KLHL32: variants seen among roughly 807,000 people sequenced by gnomAD.
The protein encoded by KLHL32 is kelch like family member 32.
A neutral mutation model predicts 64.8 loss-of-function variants in KLHL32; 35 were observed. The observed-to-expected ratio is 0.54, with a 90% CI of 0.41 to 0.72. The LOEUF is 0.72. Ranked by LOEUF, KLHL32 falls within the 30% of genes least tolerant of loss-of-function variation. The probability of loss-of-function intolerance (pLI) is 0.00; values close to 1 mark genes in which losing one functional copy is unlikely to be tolerated. For synonymous variants in KLHL32, 259 were observed against 281.0 expected (o/e 0.92, Z 0.78); for missense variants, 589 against 768.5 (o/e 0.77, Z 2.76).
intron 10 of KLHL32, among the ~76,000 whole-genome samples, chr6:97,133,802 A>C (rs1021436576): frequency 6.6e-6 from 1 of 152,186 alleles, no homozygotes; most frequent in African/African-American, 2.4e-5. Flanking sequence ...GTAGATATGG[A>C]AAATATAATT....
At chr6:96,911,564 C>G in the KLHL32 span, among the ~76,000 whole-genome samples, 1 of 152,138 alleles carries the variant, frequency 6.6e-6, no homozygotes, top group African/African-American at 2.4e-5. Flanking sequence ...CTTCCCCTGT[C>G]AAAGTCAAAC....
At chr6:97,079,872 A>G (rs902518826) in intron 5 of KLHL32, among the ~76,000 whole-genome samples, 1 of 152,212 alleles carries the variant, frequency 6.6e-6, no homozygotes, top group Non-Finnish European at 1.5e-5. Context: ...TAGAAAAAAA[A>G]AAGAGTAAGA....
At chr6:96,904,575 AAATT>A in the KLHL32 span, among the ~76,000 whole-genome samples, 35 of 152,196 alleles carry the variant, frequency 2.3e-4, no homozygotes, top group African/African-American at 4.6e-4. Context: ...ATTATTCAAA[AAATT>A]AATTAATTTG....
intron 1 of KLHL32, among the ~76,000 whole-genome samples, chr6:96,928,159 A>G (rs1043533973): frequency 6.6e-6 from 1 of 152,228 alleles, no homozygotes; most frequent in Non-Finnish European, 1.5e-5. Flanking sequence ...GCTCAGACAC[A>G]GGGAAAAAAT....
At chr6:96,906,426 A>G in the KLHL32 span, among the ~76,000 whole-genome samples, 11 of 152,160 alleles carry the variant, frequency 7.2e-5, no homozygotes, top group Non-Finnish European at 1.5e-4. Context: ...AGGTGGTGGT[A>G]GAGGTTTAAA....
Position 97,112,795 on chromosome 6 carries a change from A to G in KLHL32, c.628-988A>G, listed in dbSNP as rs199727367. On this transcript the variant is annotated intron_variant, in intron 6 of 10. Coordinates refer to ENST00000369261, the MANE Select transcript of KLHL32 (RefSeq NM_052904.4). ...AAAAAAAGGAGAATTTCTTAAAACT[A>G]AAGCAGGTACATTATCATAAATAAC... is the stretch of plus-strand genomic sequence containing the variant. Among the ~76,000 whole-genome samples the G allele has an allele frequency of 8.0e-5, 12 of 150,882 alleles. No individual in the cohort carries two copies. In the East Asian group the frequency reaches 2.1e-3, roughly 27 times the overall value.
At chr6:96,996,489 T>G (rs1778433245) in intron 3 of KLHL32, among the ~76,000 whole-genome samples, 1 of 152,170 alleles carries the variant, frequency 6.6e-6, no homozygotes, top group African/African-American at 2.4e-5. Context: ...AATATGTAAT[T>G]AGAAATAAAT....
intron 3 of KLHL32, among the ~76,000 whole-genome samples, chr6:97,038,924 T>A (rs1562268601): frequency 6.6e-6 from 1 of 151,344 alleles, no homozygotes; most frequent in Non-Finnish European, 1.5e-5. Flanking sequence ...AACCCCGCTC[T>A]ACTAAAAATA....
rs556301707 is a variant in KLHL32 at position 96,967,081 on chromosome 6, C to G, written c.21C>G (p.Leu7=). 15 of 1,613,656 alleles carry G rather than the reference C, an allele frequency of 9.3e-6. No individual in the cohort carries two copies. The South Asian group carries it at 1.5e-4, about 17-fold the overall frequency. Residue 7 remains leucine (L), a splice_region_variant and synonymous_variant, in exon 2 of 11, where the codon CTC becomes CTG. Coordinates refer to ENST00000369261, the MANE Select transcript of KLHL32 (RefSeq NM_052904.4). MPSERC[L]SIQEMLTGQR... ...GGAAAATGCCGTCTGAACGCTGCCTCAGGTATGCCCTGTAGGATATGTCCT... is the reference window on the plus strand; with the variant it reads ...GGAAAATGCCGTCTGAACGCTGCCTGAGGTATGCCCTGTAGGATATGTCCT...
At chr6:97,014,801 C>T (rs1312844025) in intron 3 of KLHL32, among the ~76,000 whole-genome samples, 1 of 152,226 alleles carries the variant, frequency 6.6e-6, no homozygotes, top group Non-Finnish European at 1.5e-5. Flanking sequence ...AAATTCCCAA[C>T]CCCATTCTCA....
chr6:96,949,560 A>G (rs1446248837), intron 1 of KLHL32, among the ~76,000 whole-genome samples: 1 of 152,160 alleles, frequency 6.6e-6, no homozygotes, highest in Non-Finnish European at 1.5e-5. Context: ...AAAATTGTGA[A>G]TATTTTCCAT....
intron 3 of KLHL32, among the ~76,000 whole-genome samples, chr6:97,035,953 G>T (rs1366797251): frequency 4.6e-5 from 7 of 151,764 alleles, no homozygotes; most frequent in East Asian, 1.9e-4. Flanking sequence ...TCTTTATTAA[G>T]CTTTCATAAT....
intron 3 of KLHL32, among the ~76,000 whole-genome samples, chr6:96,989,375 A>G (rs1220825591): frequency 6.6e-6 from 1 of 152,198 alleles, no homozygotes; most frequent in Non-Finnish European, 1.5e-5. Flanking sequence ...TTGGCTGGAT[A>G]TGAATTTCTT....
In KLHL32 at chr6:96,924,883, C is replaced by T. The variant is rs972849785; in HGVS notation, c.-209C>T. 3 of 152,530 alleles carry T rather than the reference C, an allele frequency of 2.0e-5. No homozygotes were observed. Among genetic ancestry groups the T allele is most frequent in the African/African-American group, 7.2e-5 (3 of 41,446 alleles). 9.4% of individuals were successfully genotyped at this position (152,530 alleles called of 1,614,324 possible). ...AGGACGCTCGTCTTCGCTACTGCAT[C>T]CCCGAACCAGCAGAGCGAAGCTACT... is the stretch of plus-strand genomic sequence containing the variant. On this transcript the variant is annotated 5_prime_UTR_variant, in exon 1 of 11. Coordinates refer to ENST00000369261, the MANE Select transcript of KLHL32 (RefSeq NM_052904.4).
At chr6:96,930,436 A>C (rs898322525) in intron 1 of KLHL32, among the ~76,000 whole-genome samples, 3 of 152,202 alleles carry the variant, frequency 2.0e-5, no homozygotes, top group Non-Finnish European at 2.9e-5. Flanking sequence ...CATCTGTAAA[A>C]TGGGAATTAT....
chr6:97,095,255 A>G (rs912451963), intron 6 of KLHL32, among the ~76,000 whole-genome samples: 4 of 152,182 alleles, frequency 2.6e-5, no homozygotes, highest in East Asian at 1.9e-4. Flanking sequence ...ACTGTAATCA[A>G]TTTCTCATTC....
the KLHL32 span, among the ~76,000 whole-genome samples, chr6:96,912,067 G>A: frequency 0.03 from 4,506 of 151,978 alleles, 229 homozygotes; most frequent in African/African-American, 0.1. Context: ...CCTTTCAGAC[G>A]TAATGTTCTG....
rs189523559 is a variant in KLHL32 at position 97,116,732 on chromosome 6, G to A, written c.1354+2223G>A. On this transcript the variant is annotated intron_variant, in intron 7 of 10. Transcript: ENST00000369261. ...AGCTCCTCTTAGACTCGCTAGATCC[G>A]TCGTCCTGGTATCAAGCTGACTTCC... is the stretch of plus-strand genomic sequence containing the variant. Among the ~76,000 whole-genome samples, 234 of 152,256 alleles carry A rather than the reference G, an allele frequency of 1.5e-3. 1 individual carries two copies. The highest frequency in any genetic ancestry group is 5.0e-3 in the African/African-American group (207 of 41,554).
At chr6:96,958,099 A>G (rs1773466108) in intron 1 of KLHL32, among the ~76,000 whole-genome samples, 1 of 145,558 alleles carries the variant, frequency 6.9e-6, no homozygotes, top group Non-Finnish European at 1.5e-5. Flanking sequence ...CTGGGAAACA[A>G]AAGAGAACAA....
Sources: gnomAD v4.1 joint callset for allele counts (sites outside exome capture counted in the v4.1 genomes callset) on GRCh38, gnomAD v4.1.1 for gene constraint, MANE v1.5 for transcripts, NCBI Gene and HGNC (gene_info 2026-07-23, HGNC 2026-07-21) for gene names.